The following RBFOX1 variants were observed in gnomAD, a reference collection of about 807,000 sequenced individuals.
The protein encoded by RBFOX1 is RNA binding protein fox-1 homolog 1.
RBFOX1 carries 8 observed loss-of-function variants against 57.7 expected under a neutral mutation model. The ratio of observed to expected loss-of-function variants is 0.14; its 90% CI spans 0.08 to 0.25. The LOEUF is 0.25. Ranked by LOEUF, RBFOX1 falls within the 10% of genes least tolerant of loss-of-function variation. The probability of loss-of-function intolerance (pLI) is 1.00; values close to 1 mark genes in which losing one functional copy is unlikely to be tolerated. For missense variants in RBFOX1, 611 were observed against 548.5 expected (o/e 1.11, Z -1.14); for synonymous variants, 326 against 222.4 (o/e 1.47, Z -4.15).
rs78240750 is a variant in RBFOX1, at chr16:6,941,477, G to A, written c.-15-110580G>A. Among the ~76,000 whole-genome samples the A allele has an allele frequency of 5.3e-3, 800 of 151,880 alleles. 14 individuals are homozygous for A. The East Asian group carries it at 0.067, about 13-fold the overall frequency. ...TCCTCTAACATACTGTAAAAGTGCCGTAAACTTTTGATCTATTCTTTCTTC... is the reference window on the plus strand; with the variant it reads ...TCCTCTAACATACTGTAAAAGTGCCATAAACTTTTGATCTATTCTTTCTTC... On this transcript the variant is annotated intron_variant, in intron 3 of 15. Coordinates refer to ENST00000550418, the MANE Select transcript of RBFOX1 (RefSeq NM_018723.4).
intron 1 of RBFOX1, among the ~76,000 whole-genome samples, chr16:6,109,744 A>G (rs2096422627): frequency 6.6e-6 from 1 of 152,182 alleles, no homozygotes; most frequent in Non-Finnish European, 1.5e-5. Context: ...GTATTATTAA[A>G]ATTTAAGGGC....
intron 4 of RBFOX1, among the ~76,000 whole-genome samples, chr16:7,174,535 C>G (rs1019974972): frequency 2.0e-5 from 3 of 152,152 alleles, no homozygotes; most frequent in Non-Finnish European, 4.4e-5. Flanking sequence ...AATCCCAGCC[C>G]TTTGGGAGGC....
chr16:6,389,282 T>C (rs2092469573), intron 2 of RBFOX1, among the ~76,000 whole-genome samples: 1 of 152,214 alleles, frequency 6.6e-6, no homozygotes, highest in African/African-American at 2.4e-5. Context: ...CATGCACAGA[T>C]GCATACAGGA....
intron 4 of RBFOX1, among the ~76,000 whole-genome samples, chr16:7,321,659 A>G (rs2096547029): frequency 6.6e-6 from 1 of 152,248 alleles, no homozygotes; most frequent in Non-Finnish European, 1.5e-5. Context: ...GTGAGTTAAT[A>G]TACAAAGGAG....
intron 2 of RBFOX1, among the ~76,000 whole-genome samples, chr16:6,555,607 G>GGA (rs1042601038): frequency 6.6e-6 from 1 of 152,148 alleles, no homozygotes; most frequent in Non-Finnish European, 1.5e-5. Context: ...GGCTGAGGCA[G>GGA]GAGAATGGCG....
At position 7,149,660 on chromosome 16, in the gene RBFOX1, C is replaced by T. The variant is rs115024908; in HGVS notation, c.27+97562C>T. Reference sequence around the variant, plus strand: ...ACCACCGTGCCCAGCTATATGCCCCCGCAGGCCTCCCAAAGTGCTAGGATT... The same window carrying T: ...ACCACCGTGCCCAGCTATATGCCCCTGCAGGCCTCCCAAAGTGCTAGGATT... On this transcript the variant is annotated intron_variant, in intron 4 of 15. Coordinates refer to ENST00000550418, the MANE Select transcript of RBFOX1 (RefSeq NM_018723.4). Among the ~76,000 whole-genome samples, 721 of 151,712 alleles carry T rather than the reference C, an allele frequency of 4.8e-3. 12 individuals are homozygous for T. Among genetic ancestry groups the T allele is most frequent in the African/African-American group, 0.016 (678 of 41,358 alleles).
rs541537634 is a variant in RBFOX1 at position 7,712,537 on chromosome 16, T to C, written c.*1792T>C. The C allele has an allele frequency of 2.6e-5, 4 of 152,660 alleles. No homozygotes were observed. The highest frequency in any genetic ancestry group is 3.9e-4 in the East Asian group (2 of 5,164). 9.5% of individuals were successfully genotyped at this position (152,660 alleles called of 1,614,324 possible). A position where few individuals can be genotyped will look rare whatever the true frequency, so the allele number is the denominator to read the frequency against. On this transcript the variant is annotated 3_prime_UTR_variant, in exon 16 of 16. Transcript: ENST00000550418. ...TAGCTTCGATACCTAAGACAGACGA[T>C]AGTGATCTTGAAAAGAGAAAAGGGG...
chr16:6,615,314 A>T (rs2098126491), intron 2 of RBFOX1, among the ~76,000 whole-genome samples: 1 of 152,208 alleles, frequency 6.6e-6, no homozygotes, highest in South Asian at 2.1e-4. Context: ...TCATGCCAGT[A>T]ATTCTAGTAC....
chr16:5,998,705 A>G (rs1334191322), intron 4 of RBFOX1, among the ~76,000 whole-genome samples: 1 of 152,214 alleles, frequency 6.6e-6, no homozygotes, highest in Non-Finnish European at 1.5e-5. Context: ...CTTACAGAAT[A>G]TGAGAACTTT....
At chr16:6,362,412 A>G (rs2088735343) in intron 2 of RBFOX1, among the ~76,000 whole-genome samples, 1 of 152,188 alleles carries the variant, frequency 6.6e-6, no homozygotes, top group African/African-American at 2.4e-5. Flanking sequence ...TTGAATGTAC[A>G]TAAATAATAC....
intron 3 of RBFOX1, among the ~76,000 whole-genome samples, chr16:5,617,963 A>C (rs2048087426): frequency 6.6e-6 from 1 of 152,242 alleles, no homozygotes; most frequent in Admixed American, 6.5e-5. Flanking sequence ...AAGCTCTGGC[A>C]TGCAGAAGGT....
intron 3 of RBFOX1, among the ~76,000 whole-genome samples, chr16:6,836,509 C>A (rs147145175): frequency 1.3e-5 from 2 of 152,168 alleles, no homozygotes; most frequent in Admixed American, 1.3e-4. Context: ...CTTCCTTCTA[C>A]GTGAGTTAGC....
chr16:7,162,308 C>A (rs1393980223), intron 4 of RBFOX1, among the ~76,000 whole-genome samples: 3 of 152,152 alleles, frequency 2.0e-5, no homozygotes, highest in Admixed American at 1.3e-4. Context: ...CACATACATG[C>A]ACACATATGT....
At chr16:6,756,546 A>G (rs1002155213) in intron 3 of RBFOX1, among the ~76,000 whole-genome samples, 2 of 152,216 alleles carry the variant, frequency 1.3e-5, no homozygotes. Context: ...GAATGGGAGC[A>G]AATATTTGCA....
intron 1 of RBFOX1, among the ~76,000 whole-genome samples, chr16:6,193,063 T>A (rs907492197): frequency 6.6e-6 from 1 of 151,976 alleles, no homozygotes; most frequent in African/African-American, 2.4e-5. Flanking sequence ...ATTAAAGCAG[T>A]TTGTGACGTA....
intron 3 of RBFOX1, among the ~76,000 whole-genome samples, chr16:5,704,616 C>G (rs115911312): frequency 0.027 from 4,138 of 152,298 alleles, 177 homozygotes; most frequent in African/African-American, 0.094. Context: ...TTTTAAGTTG[C>G]TTTAATGCAC....
intron 3 of RBFOX1, among the ~76,000 whole-genome samples, chr16:6,862,726 T>G (rs2059231681): frequency 6.6e-6 from 1 of 152,202 alleles, no homozygotes; most frequent in Non-Finnish European, 1.5e-5. Context: ...GGCTCACACC[T>G]GTAATCCCGG....
At chr16:6,714,232 T>G (rs1195522013) in intron 3 of RBFOX1, among the ~76,000 whole-genome samples, 3 of 152,154 alleles carry the variant, frequency 2.0e-5, no homozygotes, top group African/African-American at 7.2e-5. Flanking sequence ...TCTCCAGCCA[T>G]GCAGAACTGT....
chr16:5,357,370 C>G (rs181348914), intron 1 of RBFOX1, among the ~76,000 whole-genome samples: 1 of 152,186 alleles, frequency 6.6e-6, no homozygotes, highest in East Asian at 1.9e-4. Context: ...ACCTCTTGCT[C>G]TGGGGTGTAA....
Sources: allele counts gnomAD v4.1 joint callset (sites outside exome capture counted in the v4.1 genomes callset), GRCh38; gene constraint gnomAD v4.1.1; transcripts MANE v1.5; gene names NCBI Gene and HGNC (gene_info 2026-07-23, HGNC 2026-07-21).